The following MPND variants were observed in gnomAD, a reference collection of about 807,000 sequenced individuals.
The protein encoded by MPND is MPN domain-containing protein.
MPND carries 56 observed loss-of-function variants against 59.2 expected under a neutral mutation model. That is an observed-to-expected ratio of 0.95 (90% CI 0.76 to 1.18). MPND has a LOEUF of 1.18. MPND is among the 50% of genes most tolerant of loss of function. The pLI, the probability that MPND is intolerant of heterozygous loss-of-function variation, is 0.00. For missense variants in MPND, 671 were observed against 676.0 expected, an observed-to-expected ratio of 0.99 and a Z score of 0.08; for synonymous variants, 323 against 291.9, an observed-to-expected ratio of 1.11 and a Z score of -1.09.
intron 10 of MPND, 193 bp from the exon 11 acceptor site, chr19:4,357,890 C>T: frequency 1.6e-6 from 1 of 611,930 alleles, no homozygotes; most frequent in Non-Finnish European, 2.9e-6. Context: ...AGGGCCCTGG[C>T]TCTCCTCTGG....
At chr19:4,345,593 G>C in intron 2 of MPND, 152 bp from the exon 3 acceptor site, 1 of 680,978 alleles carries the variant, frequency 1.5e-6, no homozygotes, top group Non-Finnish European at 2.5e-6. Flanking sequence ...TGGACTCCCA[G>C]GCACTGAGGA....
rs1243704521 is a variant in MPND, at chr19:4,359,162, G to C, written c.1327-1G>C. ...GGAGTCCATGCTCCTCTGTCCTGTA[G>C]ATGCTGCTGGTGGAGTTCTACAAGG... On this transcript the variant is annotated splice_acceptor_variant, in intron 11 of 12. Transcript: ENST00000599840. LOFTEE classifies it high-confidence loss of function. 6.2e-7 allele frequency: 1 copy of C among 1,612,264 alleles called. No homozygotes were observed. Among genetic ancestry groups the C allele is most frequent in the African/African-American group, 1.3e-5 (1 of 74,866 alleles).
chr19:4,359,903 C>T lies in MPND; in HGVS notation c.1420-13C>T, dbSNP rs1440761436. The stretch of plus-strand genomic sequence containing the variant: ...CCCCGGGCACAGCCTGAGGCCCAGC[C>T]CCCTCGTTTCAGATCTCCTTGGCCA... On this transcript the variant is annotated splice_polypyrimidine_tract_variant and intron_variant, in intron 12 of 12. Coordinates refer to ENST00000599840, the MANE Select transcript of MPND (RefSeq NM_001300862.2). 6 of 1,555,302 alleles carry T rather than the reference C, an allele frequency of 3.9e-6. No individual in the cohort carries two copies. In the East Asian group the frequency reaches 9.7e-5, roughly 25 times the overall value.
At chr19:4,347,006 GCAA>G (rs1182858362) in intron 3 of MPND, among the ~76,000 whole-genome samples, 1 of 152,050 alleles carries the variant, frequency 6.6e-6, no homozygotes, top group African/African-American at 2.4e-5. Context: ...TTCCAGCCTG[GCAA>G]CAGATTGAGA....
intron 4 of MPND, chr19:4,353,696 G>T: frequency 4.4e-6 from 1 of 226,310 alleles, no homozygotes. Flanking sequence ...TGAGTAACTG[G>T]GACCACAGGT....
chr19:4,354,718 G>T, intron 6 of MPND: 1 of 590,676 alleles, frequency 1.7e-6, no homozygotes, highest in Non-Finnish European at 3.0e-6. Flanking sequence ...ACAAAAATTA[G>T]CTGGGCATGG....
rs937453613 is a variant in MPND at position 4,343,589 on chromosome 19, C to G, written c.-5C>G. The G allele has an allele frequency of 1.6e-6, 2 of 1,220,386 alleles. No individual in the cohort carries two copies. The highest frequency in any genetic ancestry group is 3.1e-4 in the Middle Eastern group (1 of 3,180). 75.6% of individuals were successfully genotyped at this position (1,220,386 alleles called of 1,614,324 possible). On this transcript the variant is annotated 5_prime_UTR_variant, in exon 1 of 13. Coordinates refer to ENST00000599840, the MANE Select transcript of MPND (RefSeq NM_001300862.2). ...CTAGAGCTCCGGGCGCGGGGAGGCG[C>G]GGCCATGGCAGGTACGGCGGGCCCA...
At chr19:4,347,518 T>C (rs1013876960) in intron 3 of MPND, among the ~76,000 whole-genome samples, 9 of 152,106 alleles carry the variant, frequency 5.9e-5, no homozygotes, top group African/African-American at 2.2e-4. Flanking sequence ...GGATTACAAG[T>C]GTGAGCCACC....
In MPND at chr19:4,344,735, CTTT is replaced by C. The variant is rs369442146; in HGVS notation, c.294+760_294+762del. The stretch of plus-strand genomic sequence containing the variant: ...ACTTTATCTGTGGTAGGTATTAGTA[CTTT>C]TTTTTTTTTTTTTTTTTTGAGACAG... On this transcript the variant is annotated intron_variant, in intron 2 of 12. Coordinates refer to ENST00000599840, the MANE Select transcript of MPND (RefSeq NM_001300862.2). Among the ~76,000 whole-genome samples, 710 of 126,934 alleles carry C rather than the reference CTTT, an allele frequency of 5.6e-3. 3 individuals carry two copies. The highest frequency in any genetic ancestry group is 0.021 in the African/African-American group (689 of 33,020). The allele number at this position is 126,934 out of a possible 152,430, so 83.3% of individuals were successfully genotyped here.
In MPND at chr19:4,354,387, C is replaced by T. The variant is rs911945791; in HGVS notation, c.813C>T (p.Asn271=). The change falls in exon 6 of 13, where the codon AAC becomes AAT. Residue 271 remains asparagine (N), a synonymous_variant. Coordinates refer to ENST00000599840, the MANE Select transcript of MPND (RefSeq NM_001300862.2). ...CCATCAACAAGTTCCAGCCGTTCAACGTGGCTGTTTCTAGCAACGTGCTGT... is the reference window on the plus strand; with the variant it reads ...CCATCAACAAGTTCCAGCCGTTCAATGTGGCTGTTTCTAGCAACGTGCTGT... ...FAAINKFQPF[N]VAVSSNVLFL... 6 of 1,561,052 alleles carry T rather than the reference C, an allele frequency of 3.8e-6. No homozygotes were observed. The highest frequency in any genetic ancestry group is 2.7e-5 in the African/African-American group (2 of 73,714).
At chr19:4,353,966 G>T (rs542094927) in intron 4 of MPND, 79 bp from the exon 5 acceptor site, 46 of 1,232,918 alleles carry the variant, frequency 3.7e-5, no homozygotes, top group Admixed American at 2.3e-4. Flanking sequence ...TTATAGGCAT[G>T]CACCACCACA....
chr19:4,345,882 C>T lies in MPND; in HGVS notation c.432C>T (p.Gly144=), dbSNP rs1339372859. 2 of 1,613,924 alleles carry T rather than the reference C, an allele frequency of 1.2e-6. No homozygotes were observed. The highest frequency in any genetic ancestry group is 8.5e-7 in the Non-Finnish European group (1 of 1,180,046). Residue 144 remains glycine, a synonymous_variant, in exon 3 of 13, where the codon GGC becomes GGT. Transcript: ENST00000599840. Reference sequence around the variant, plus strand: ...ACCCTGCCAAGAAGTCGGGCTGTGGCTGGGCCTCTGTCAAGTACAAAGGCC... The same window carrying T: ...ACCCTGCCAAGAAGTCGGGCTGTGGTTGGGCCTCTGTCAAGTACAAAGGCC... ...LVNPAKKSGC[G]WASVKYKGQK...
Position 4,353,019 on chromosome 19 carries a change from T to G in MPND, c.654T>G (p.Pro218=). The G allele has an allele frequency of 7.4e-7, 1 of 1,346,778 alleles. No individual in the cohort carries two copies. Among genetic ancestry groups the G allele is most frequent in the South Asian group, 2.3e-5 (1 of 43,018 alleles). 83.4% of individuals were successfully genotyped at this position (1,346,778 alleles called of 1,614,324 possible). A position where few individuals can be genotyped will look rare whatever the true frequency, so the allele number is the denominator to read the frequency against. ...RRPLGKSPSE[P]AHPEATTPGK... is the part of the protein sequence containing the mutation. ...CACTGGGGAAGAGCCCTTCAGAGCC[T>G]GCCCACCCGGGTGAGAGGCGTGGGG... Residue 218 remains proline, a synonymous_variant, in exon 4 of 13, where the codon CCT becomes CCG. Transcript: ENST00000599840.
intron 3 of MPND, chr19:4,347,772 G>C (rs1411114273): frequency 9.1e-6 from 5 of 551,128 alleles, no homozygotes; most frequent in African/African-American, 4.0e-5. Context: ...CGACGCAGTG[G>C]CAAAAAAACC....
In MPND at chr19:4,359,150, C is replaced by T. The variant is rs757955861; in HGVS notation, c.1327-13C>T. 1.2e-6 allele frequency: 2 copies of T among 1,606,004 alleles called. No individual in the cohort carries two copies. Among genetic ancestry groups the T allele is most frequent in the East Asian group, 2.2e-5 (1 of 44,802 alleles). On this transcript the variant is annotated splice_polypyrimidine_tract_variant and intron_variant, in intron 11 of 12. Transcript: ENST00000599840. The stretch of plus-strand genomic sequence containing the variant: ...GGAGGGAGCCTGGGAGTCCATGCTC[C>T]TCTGTCCTGTAGATGCTGCTGGTGG...
intron 3 of MPND, chr19:4,348,944 C>T (rs1972250937): frequency 4.7e-6 from 1 of 212,578 alleles, no homozygotes; most frequent in East Asian, 1.1e-4. Context: ...CGTGAGCCAC[C>T]ATGCCCGGCC....
chr19:4,356,280 C>T (rs917135784), intron 8 of MPND, among the ~76,000 whole-genome samples: 11 of 151,838 alleles, frequency 7.2e-5, no homozygotes, highest in African/African-American at 2.2e-4. Flanking sequence ...ATCCAGGCAC[C>T]GGGGGTTCAC....
intron 3 of MPND, among the ~76,000 whole-genome samples, chr19:4,346,379 A>T (rs1052768789): frequency 2.6e-5 from 4 of 152,128 alleles, no homozygotes; most frequent in Admixed American, 6.6e-5. Context: ...AGTGTTCACC[A>T]GCCGGGTGAA....
Position 4,360,000 on chromosome 19 carries a change from T to A in MPND, c.1504T>A (p.Ter502ArgextTer19). ...QVCGVLKQGS* is the reference protein window; with the variant it reads ...QVCGVLKQGSR ...GTGCGGCGTCCTCAAGCAGGGGAGC[T>A]GAGCCTTCCAGGGCAGGGTGGGCTC... Residue 502 changes from the stop codon to arginine, a stop_lost, in exon 13 of 13, where the codon TGA (stop) becomes AGA (arginine). Transcript: ENST00000599840. 1 of 1,560,504 alleles carries A rather than the reference T, an allele frequency of 6.4e-7. No homozygotes were observed. Among genetic ancestry groups the A allele is most frequent in the Non-Finnish European group, 8.7e-7 (1 of 1,151,936 alleles).
Sources: gnomAD v4.1 joint callset for allele counts (sites outside exome capture counted in the v4.1 genomes callset) on GRCh38, gnomAD v4.1.1 for gene constraint, MANE v1.5 for transcripts, NCBI Gene and HGNC (gene_info 2026-07-23, HGNC 2026-07-21) for gene names.